Variants in JMY observed in about 807,000 individuals in gnomAD.
JMY encodes the protein junction-mediating and -regulatory protein.
In JMY, 46 loss-of-function variants were observed where a neutral mutation model predicts 103.3. That is an observed-to-expected ratio of 0.45 (90% CI 0.35 to 0.57). The LOEUF is 0.57. Ranked by LOEUF, JMY falls within the 20% of genes least tolerant of loss-of-function variation. JMY has a pLI of 0.00. For missense variants in JMY, 1,238 were observed against 1,255.2 expected, an observed-to-expected ratio of 0.99 and a Z score of 0.21; for synonymous variants, 526 against 489.3, an observed-to-expected ratio of 1.07 and a Z score of -0.99.
chr5:79,243,553 G>A (rs1198602189), intron 1 of JMY, among the ~76,000 whole-genome samples: 1 of 152,192 alleles, frequency 6.6e-6, no homozygotes, highest in East Asian at 1.9e-4. Flanking sequence ...GGACATATGG[G>A]AGCTGTAGAC....
At chr5:79,259,887 G>A (rs1405909398) in intron 1 of JMY, among the ~76,000 whole-genome samples, 2 of 152,222 alleles carry the variant, frequency 1.3e-5, no homozygotes, top group African/African-American at 2.4e-5. Flanking sequence ...TTGGGCAGCT[G>A]TAGCCACCCC....
chr5:79,270,441 AAT>A (rs57209851), intron 1 of JMY, among the ~76,000 whole-genome samples: 29,584 of 73,506 alleles, frequency 0.4, 7,311 homozygotes, highest in Non-Finnish European at 0.5. Flanking sequence ...AAATATTTAA[AAT>A]ATATATTTAC....
chr5:79,314,652 C>T lies in JMY; in HGVS notation c.2460C>T (p.Pro820=). The change falls in exon 9 of 11, where the codon CCC becomes CCT. Residue 820 remains proline, a synonymous_variant. Coordinates refer to ENST00000396137, the MANE Select transcript of JMY (RefSeq NM_152405.5). ...TPPPPPPPPP[P]PPPPPLPVAK... ...CACCTCCCCCACCTCCTCCCCCTCC[C>T]CCACCACCACCACCTCTGCCTGTTG... The T allele has an allele frequency of 3.8e-6, 6 of 1,567,372 alleles. No homozygotes were observed. The highest frequency in any genetic ancestry group is 4.3e-6 in the Non-Finnish European group (5 of 1,151,960).
At chr5:79,239,677 G>T (rs1259277793) in intron 1 of JMY, among the ~76,000 whole-genome samples, 4 of 151,994 alleles carry the variant, frequency 2.6e-5, no homozygotes, top group South Asian at 4.1e-4. Flanking sequence ...CGGGTGTGGT[G>T]GCGGGCACCT....
chr5:79,313,760 G>A (rs1056635485), intron 8 of JMY, among the ~76,000 whole-genome samples: 5 of 151,950 alleles, frequency 3.3e-5, no homozygotes, highest in South Asian at 2.1e-4. Context: ...ATTATCAATC[G>A]TGGATTTGAT....
chr5:79,303,354 T>G (rs1746793998), intron 6 of JMY, among the ~76,000 whole-genome samples: 1 of 152,140 alleles, frequency 6.6e-6, no homozygotes, highest in South Asian at 2.1e-4. Flanking sequence ...TGAGCCACTG[T>G]GCCCAGCCTG....
chr5:79,248,232 G>C (rs150856930), intron 1 of JMY, among the ~76,000 whole-genome samples: 1 of 152,084 alleles, frequency 6.6e-6, no homozygotes, highest in Non-Finnish European at 1.5e-5. Flanking sequence ...ATTTCACCAA[G>C]TTGGCCAGGC....
intron 6 of JMY, among the ~76,000 whole-genome samples, chr5:79,302,005 C>T (rs138604972): frequency 2.0e-5 from 3 of 151,348 alleles, no homozygotes; most frequent in African/African-American, 7.3e-5. Context: ...ATCGCTTGAA[C>T]CCAGAAGGTG....
chr5:79,314,648 C>G lies in JMY; in HGVS notation c.2456C>G (p.Pro819Arg). ...PTPPPPPPPP[P>R]PPPPPPLPVA... is the part of the protein sequence containing the mutation. ...CCACCACCTCCCCCACCTCCTCCCC[C>G]TCCCCCACCACCACCACCTCTGCCT... Residue 819 changes from proline to arginine, a missense_variant, in exon 9 of 11, where the codon CCT (proline) becomes CGT (arginine). Pro to Arg is a moderately radical substitution (Grantham distance 103). Coordinates refer to ENST00000396137, the MANE Select transcript of JMY (RefSeq NM_152405.5). 6.4e-7 allele frequency: 1 copy of G among 1,570,866 alleles called. No individual in the cohort carries two copies. Among genetic ancestry groups the G allele is most frequent in the Non-Finnish European group, 8.7e-7 (1 of 1,153,364 alleles).
intron 2 of JMY, chr5:79,284,033 G>A (rs1206566539): frequency 8.1e-6 from 6 of 738,762 alleles, no homozygotes; most frequent in Non-Finnish European, 1.2e-5. Flanking sequence ...TAATCCAACA[G>A]CAAGGTACAA....
At chr5:79,306,678 A>G (rs751023510) in intron 7 of JMY, among the ~76,000 whole-genome samples, 7 of 152,064 alleles carry the variant, frequency 4.6e-5, no homozygotes, top group Non-Finnish European at 8.8e-5. Context: ...AACATCTCCT[A>G]TACTCCTGTC....
Position 79,322,506 on chromosome 5 carries a change from C to T in JMY, c.*904C>T, listed in dbSNP as rs1055194012. 2 of 152,160 alleles carry T rather than the reference C, an allele frequency of 1.3e-5. No individual in the cohort carries two copies. The highest frequency in any genetic ancestry group is 6.5e-5 in the Admixed American group (1 of 15,268). 9.4% of individuals were successfully genotyped at this position (152,160 alleles called of 1,614,324 possible). A position where few individuals can be genotyped will look rare whatever the true frequency, so the allele number is the denominator to read the frequency against. On this transcript the variant is annotated 3_prime_UTR_variant, in exon 11 of 11. Transcript: ENST00000396137. ...GGGATGCAGATCTTAACTCTTTTCA[C>T]AAATTACCATTTTAAGTTTTTATTT...
At chr5:79,277,732 G>T (rs911433920) in intron 1 of JMY, among the ~76,000 whole-genome samples, 178 bp from the exon 2 acceptor site, 1 of 152,144 alleles carries the variant, frequency 6.6e-6, no homozygotes, top group Non-Finnish European at 1.5e-5. Context: ...CCATGGTCTT[G>T]AGTAGTGAGA....
At chr5:79,289,880 G>T (rs1012350785) in intron 2 of JMY, among the ~76,000 whole-genome samples, 1 of 152,070 alleles carries the variant, frequency 6.6e-6, no homozygotes, top group African/African-American at 2.4e-5. Context: ...TAACATATTG[G>T]TATATATTCT....
intron 1 of JMY, among the ~76,000 whole-genome samples, chr5:79,255,615 T>C (rs1745216076): frequency 6.6e-6 from 1 of 152,218 alleles, no homozygotes; most frequent in Non-Finnish European, 1.5e-5. Context: ...ACTTGGGTGT[T>C]GTGATGTAAG....
intron 1 of JMY, among the ~76,000 whole-genome samples, chr5:79,241,110 G>A (rs1314098487): frequency 6.6e-6 from 1 of 151,944 alleles, no homozygotes; most frequent in African/African-American, 2.4e-5. Context: ...TCCATTTAAA[G>A]GTTTCAACTT....
intron 10 of JMY, among the ~76,000 whole-genome samples, chr5:79,318,123 T>C (rs1747299316): frequency 6.6e-6 from 1 of 151,868 alleles, no homozygotes; most frequent in South Asian, 2.1e-4. Context: ...TGCCTCAGCC[T>C]CCTGAGTAGC....
chr5:79,238,060 TCCTTGTCA>T (rs908472991), intron 1 of JMY, among the ~76,000 whole-genome samples: 2 of 152,174 alleles, frequency 1.3e-5, no homozygotes, highest in Non-Finnish European at 1.5e-5. Context: ...CTCTTCTTTG[TCCTTGTCA>T]CCTTTATTTA....
intron 7 of JMY, among the ~76,000 whole-genome samples, chr5:79,309,890 T>C (rs1043279129): frequency 2.0e-5 from 3 of 152,156 alleles, no homozygotes; most frequent in African/African-American, 7.2e-5. Context: ...AGTTTACTTA[T>C]GAAGGTTCCA....
Sources: allele counts gnomAD v4.1 joint callset (sites outside exome capture counted in the v4.1 genomes callset), GRCh38; gene constraint gnomAD v4.1.1; transcripts MANE v1.5; gene names NCBI Gene and HGNC (gene_info 2026-07-23, HGNC 2026-07-21).